Variants in GBE1 observed in about 807,000 individuals in gnomAD.
The protein encoded by GBE1 is 1,4-alpha-glucan branching enzyme 1.
GBE1 carries 70 observed loss-of-function variants against 88.8 expected under a neutral mutation model. That is an observed-to-expected ratio of 0.79 (90% CI 0.65 to 0.96). The LOEUF is 0.96. GBE1 is among the 40% of genes least tolerant of loss of function. The pLI, the probability that GBE1 is intolerant of heterozygous loss-of-function variation, is 0.00. For synonymous variants in GBE1, 284 were observed against 300.1 expected (o/e 0.95, Z 0.56); for missense variants, 872 against 871.0 (o/e 1.00, Z -0.01).
chr3:81,548,859 G>T (rs1703239737), intron 12 of GBE1, among the ~76,000 whole-genome samples: 1 of 150,780 alleles, frequency 6.6e-6, no homozygotes, highest in Non-Finnish European at 1.5e-5. Context: ...TTGACATTTT[G>T]CTTAAAAATT....
chr3:81,562,224 T>A (rs1312685513), intron 12 of GBE1, among the ~76,000 whole-genome samples: 1 of 152,090 alleles, frequency 6.6e-6, no homozygotes, highest in Non-Finnish European at 1.5e-5. Flanking sequence ...GACCATTAAG[T>A]AATTTGTAAC....
chr3:81,624,151 T>G (rs993140430), intron 7 of GBE1, among the ~76,000 whole-genome samples: 1 of 152,148 alleles, frequency 6.6e-6, no homozygotes, highest in African/African-American at 2.4e-5. Flanking sequence ...AGGCACCTTC[T>G]TCACAAGGTG....
chr3:81,536,570 A>C (rs968038033), intron 13 of GBE1, among the ~76,000 whole-genome samples: 5 of 152,038 alleles, frequency 3.3e-5, no homozygotes, highest in African/African-American at 1.2e-4. Context: ...ATTTACATAA[A>C]AAAGTGTTCC....
chr3:81,661,676 T>C (rs147942912), intron 3 of GBE1, among the ~76,000 whole-genome samples: 38 of 152,314 alleles, frequency 2.5e-4, no homozygotes, highest in Admixed American at 1.2e-3. Context: ...CTACCAATTG[T>C]TCTTGATTCA....
At chr3:81,502,053 G>C (rs1444297263) in intron 14 of GBE1, among the ~76,000 whole-genome samples, 1 of 144,404 alleles carries the variant, frequency 6.9e-6, no homozygotes, top group Non-Finnish European at 1.5e-5. Flanking sequence ...TTATTTCTCT[G>C]ACACAGAATT....
chr3:81,641,000 CAAT>C (rs924567156), intron 7 of GBE1, among the ~76,000 whole-genome samples: 12 of 152,002 alleles, frequency 7.9e-5, no homozygotes, highest in African/African-American at 2.7e-4. Flanking sequence ...TTTTTGAAAA[CAAT>C]GATGTATGAT....
At chr3:81,734,037 T>C (rs1192870651) in intron 1 of GBE1, among the ~76,000 whole-genome samples, 1 of 152,206 alleles carries the variant, frequency 6.6e-6, no homozygotes, top group Admixed American at 6.5e-5. Flanking sequence ...TTAAGAGCAT[T>C]AGGTATAATC....
At chr3:81,589,321 A>T (rs1175672961) in intron 9 of GBE1, among the ~76,000 whole-genome samples, 2 of 151,820 alleles carry the variant, frequency 1.3e-5, no homozygotes, top group Non-Finnish European at 2.9e-5. Context: ...ATAAATTCAT[A>T]TTTCTACTAA....
At chr3:81,509,642 T>C (rs909864553) in intron 14 of GBE1, 1 of 151,910 alleles carries the variant, frequency 6.6e-6, no homozygotes, top group South Asian at 2.1e-4. Context: ...CTTTTCATTA[T>C]TTTCCTTTGC....
intron 2 of GBE1, among the ~76,000 whole-genome samples, chr3:81,701,747 A>T (rs977074264): frequency 2.6e-5 from 4 of 151,938 alleles, no homozygotes; most frequent in African/African-American, 9.7e-5. Context: ...ATGATGATTT[A>T]TTTATTTTTT....
chr3:81,614,795 G>A (rs1704227537), intron 7 of GBE1, among the ~76,000 whole-genome samples: 1 of 152,118 alleles, frequency 6.6e-6, no homozygotes, highest in African/African-American at 2.4e-5. Context: ...GGAGGCGGAG[G>A]TTGCAGTGAG....
At chr3:81,747,532 T>G (rs1226927479) in intron 1 of GBE1, among the ~76,000 whole-genome samples, 1 of 152,044 alleles carries the variant, frequency 6.6e-6, no homozygotes, top group Non-Finnish European at 1.5e-5. Flanking sequence ...AATACAAAAA[T>G]CAGCTGAGAG....
At chr3:81,679,745 C>T (rs1705311331) in intron 2 of GBE1, among the ~76,000 whole-genome samples, 1 of 152,102 alleles carries the variant, frequency 6.6e-6, no homozygotes, top group African/African-American at 2.4e-5. Context: ...TTATATTTTC[C>T]TTAAGATTTT....
intron 1 of GBE1, among the ~76,000 whole-genome samples, chr3:81,736,876 C>G (rs1256345266): frequency 6.6e-6 from 1 of 152,212 alleles, no homozygotes; most frequent in African/African-American, 2.4e-5. Flanking sequence ...GTAATTAAAA[C>G]ATGAAGCCAA....
rs142278941 is a variant in GBE1, at chr3:81,726,978, C to T, written c.144-21365G>A. On this transcript the variant is annotated intron_variant, in intron 1 of 15. Transcript: ENST00000429644. ...TGACATTTTGATTATGGGTCTACGT[C>T]ATGGTGACTTATTCAAAGTTAGTAA... Among the ~76,000 whole-genome samples the T allele has an allele frequency of 3.6e-3, 541 of 152,250 alleles. 4 individuals carry two copies. The highest frequency in any genetic ancestry group is 5.7e-3 in the Admixed American group (87 of 15,292).
At chr3:81,596,327 T>G (rs1203848963) in intron 7 of GBE1, among the ~76,000 whole-genome samples, 1 of 151,978 alleles carries the variant, frequency 6.6e-6, no homozygotes, top group African/African-American at 2.4e-5. Flanking sequence ...AGGGTACATG[T>G]GCACAACGTG....
intron 7 of GBE1, among the ~76,000 whole-genome samples, chr3:81,637,161 A>C (rs1704603260): frequency 6.6e-6 from 1 of 152,188 alleles, no homozygotes; most frequent in Non-Finnish European, 1.5e-5. Context: ...ATTTATGTGA[A>C]TGTAATCTTT....
chr3:81,620,751 C>T (rs914821679), intron 7 of GBE1, among the ~76,000 whole-genome samples: 5 of 152,024 alleles, frequency 3.3e-5, no homozygotes, highest in Admixed American at 6.6e-5. Flanking sequence ...AAAAAAGGAA[C>T]GTCCTGATTG....
At chr3:81,750,393 T>C (rs574326813) in intron 1 of GBE1, among the ~76,000 whole-genome samples, 1 of 150,588 alleles carries the variant, frequency 6.6e-6, no homozygotes, top group South Asian at 2.1e-4. Flanking sequence ...TTTAATTTTG[T>C]TCTCCTTTTC....
Sources: gnomAD v4.1 joint callset for allele counts (sites outside exome capture counted in the v4.1 genomes callset) on GRCh38, gnomAD v4.1.1 for gene constraint, MANE v1.5 for transcripts, NCBI Gene and HGNC (gene_info 2026-07-23, HGNC 2026-07-21) for gene names.